The following PRKCB variants were observed in gnomAD, a reference collection of about 807,000 sequenced individuals.
PRKCB encodes the protein protein kinase C beta type.
In PRKCB, 13 loss-of-function variants were observed where a neutral mutation model predicts 81.5. That is an observed-to-expected ratio of 0.16 (90% confidence interval 0.10 to 0.25). The LOEUF is 0.25. PRKCB is among the 10% of genes least tolerant of loss of function. The pLI is 1.00. For synonymous variants in PRKCB, 335 were observed against 321.4 expected, an observed-to-expected ratio of 1.04 and a Z score of -0.45; for missense variants, 509 against 875.7, an observed-to-expected ratio of 0.58 and a Z score of 5.29.
At position 23,879,482 on chromosome 16, in the gene PRKCB, CTTTTTTTTTTTTTTTTTTTTTTTTTTT is replaced by C. The variant is rs546638229; in HGVS notation, c.205+42086_205+42112del. Among the ~76,000 whole-genome samples, 115 of 83,184 alleles carry C rather than the reference CTTTTTTTTTTTTTTTTTTTTTTTTTTT, an allele frequency of 1.4e-3. 1 individual carries two copies. The highest frequency in any genetic ancestry group is 5.7e-3 in the African/African-American group (102 of 18,010). 54.6% of individuals were successfully genotyped at this position (83,184 alleles called of 152,430 possible). ...CTTTGTTGTTGGTCCTTTAGCTATC[CTTTTTTTTTTTTTTTTTTTTTTTTTTT>C]TTTTTTTTTGAGACGGAGCCCCACT... On this transcript the variant is annotated intron_variant, in intron 2 of 16. Transcript: ENST00000643927.
intron 3 of PRKCB, among the ~76,000 whole-genome samples, chr16:23,991,515 T>G (rs1253495528): frequency 6.6e-6 from 1 of 152,176 alleles, no homozygotes; most frequent in Non-Finnish European, 1.5e-5. Flanking sequence ...AAGAAGATGG[T>G]GTTTCCCATA....
At chr16:24,098,196 A>G (rs1245601646) in intron 7 of PRKCB, 2 of 152,228 alleles carry the variant, frequency 1.3e-5, no homozygotes, top group Non-Finnish European at 1.5e-5. Flanking sequence ...TTAAAGCACA[A>G]TTCACAAATG....
At chr16:23,881,155 G>A (rs1057303457) in intron 2 of PRKCB, among the ~76,000 whole-genome samples, 3 of 151,934 alleles carry the variant, frequency 2.0e-5, no homozygotes, top group African/African-American at 4.8e-5. Flanking sequence ...GGGGGCCCAG[G>A]CCCATGAGTC....
chr16:24,073,346 C>A (rs901233778), intron 5 of PRKCB, among the ~76,000 whole-genome samples: 1 of 152,098 alleles, frequency 6.6e-6, no homozygotes. Context: ...TTATTTATTT[C>A]TTAGAAACAG....
Position 24,170,373 on chromosome 16 carries a change from A to C in PRKCB, c.1240-1897A>C, listed in dbSNP as rs972282858. ...AGAAAAAAGCCCACAGGCTTTCATGAAAGAGTATAACGGCAGACCTAATTT... is the reference window on the plus strand; with the variant it reads ...AGAAAAAAGCCCACAGGCTTTCATGCAAGAGTATAACGGCAGACCTAATTT... On this transcript the variant is annotated intron_variant, in intron 10 of 16. Transcript: ENST00000643927. Among the ~76,000 whole-genome samples the C allele has an allele frequency of 3.9e-5, 6 of 152,276 alleles. No individual in the cohort carries two copies. The East Asian group carries it at 1.2e-3, about 29-fold the overall frequency.
At chr16:23,881,960 C>A (rs1321800371) in intron 2 of PRKCB, among the ~76,000 whole-genome samples, 1 of 147,366 alleles carries the variant, frequency 6.8e-6, no homozygotes, top group Non-Finnish European at 1.5e-5. Flanking sequence ...TCCTTTTTTT[C>A]TTTTCCTTTC....
At chr16:24,167,699 A>G (rs547616157) in intron 10 of PRKCB, among the ~76,000 whole-genome samples, 1 of 152,300 alleles carries the variant, frequency 6.6e-6, no homozygotes, top group African/African-American at 2.4e-5. Context: ...ACACATCCAC[A>G]CATCCATACA....
At chr16:24,189,641 CAAA>C (rs10605364) in intron 15 of PRKCB, among the ~76,000 whole-genome samples, 1,720 of 83,318 alleles carry the variant, frequency 0.021, 20 homozygotes, top group African/African-American at 0.066. Flanking sequence ...GACTCCGTCT[CAAA>C]AAAAAAAAAA....
intron 2 of PRKCB, among the ~76,000 whole-genome samples, chr16:23,907,197 T>C (rs73538839): frequency 0.015 from 2,223 of 152,302 alleles, 55 homozygotes; most frequent in African/African-American, 0.05. Context: ...CAATCAAAAA[T>C]GTCTCCAAAC....
chr16:23,990,546 T>C (rs1403053439), intron 3 of PRKCB, among the ~76,000 whole-genome samples: 2 of 151,928 alleles, frequency 1.3e-5, no homozygotes, highest in Non-Finnish European at 2.9e-5. Context: ...TCTTTTATTT[T>C]TGTTTTTTTC....
At chr16:23,939,259 C>T (rs1357516928) in intron 2 of PRKCB, among the ~76,000 whole-genome samples, 2 of 152,124 alleles carry the variant, frequency 1.3e-5, no homozygotes, top group Non-Finnish European at 2.9e-5. Flanking sequence ...TGAAGACATA[C>T]TGTGTTCATG....
At chr16:24,160,026 C>T (rs1361933795) in intron 10 of PRKCB, among the ~76,000 whole-genome samples, 2 of 152,040 alleles carry the variant, frequency 1.3e-5, no homozygotes, top group East Asian at 3.9e-4. Context: ...AATATTTTCA[C>T]TCTTACGATC....
At chr16:24,034,166 T>C (rs1965583823) in intron 4 of PRKCB, among the ~76,000 whole-genome samples, 1 of 152,166 alleles carries the variant, frequency 6.6e-6, no homozygotes, top group African/African-American at 2.4e-5. Flanking sequence ...GGCCCTAATA[T>C]AGGGACAATG....
chr16:23,914,084 C>T (rs938033489), intron 2 of PRKCB, among the ~76,000 whole-genome samples: 1 of 152,136 alleles, frequency 6.6e-6, no homozygotes, highest in African/African-American at 2.4e-5. Context: ...CTCACTGCAG[C>T]CTCAAATTCC....
Position 23,970,338 on chromosome 16 carries a change from C to T in PRKCB, c.206-18170C>T, listed in dbSNP as rs138557950. On this transcript the variant is annotated intron_variant, in intron 2 of 16. Coordinates refer to ENST00000643927, the MANE Select transcript of PRKCB (RefSeq NM_002738.7). ...AAGATGATGCAGCCAGTGGAGTGGG[C>T]GGTTGTCCCAGAGCACCACCTGGGC... 7.9e-4 allele frequency among the ~76,000 whole-genome samples: 121 copies of T among 152,258 alleles called. 1 individual carries two copies. Among genetic ancestry groups the T allele is most frequent in the Non-Finnish European group, 1.4e-3 (98 of 68,016 alleles).
chr16:24,214,977 G>T lies in PRKCB; in HGVS notation c.*161G>T. ...AACCCAAATGTCCTCAGGTAGTTTG[G>T]AGCATCTCTATGAGATGGGATTATG... On this transcript the variant is annotated 3_prime_UTR_variant, in exon 17 of 17. Transcript: ENST00000643927. The T allele has an allele frequency of 6.9e-7, 1 of 1,453,898 alleles. No homozygotes were observed. The highest frequency in any genetic ancestry group is 2.4e-5 in the East Asian group (1 of 41,344). 90.1% of individuals were successfully genotyped at this position (1,453,898 alleles called of 1,614,324 possible). A position where few individuals can be genotyped will look rare whatever the true frequency, so the allele number is the denominator to read the frequency against.
intron 2 of PRKCB, among the ~76,000 whole-genome samples, chr16:23,859,598 A>G (rs1488144984): frequency 6.6e-6 from 1 of 152,194 alleles, no homozygotes; most frequent in Non-Finnish European, 1.5e-5. Context: ...GGGAGGCTGC[A>G]CAGAGGAGCC....
At chr16:24,119,698 G>A (rs1365316068) in intron 8 of PRKCB, among the ~76,000 whole-genome samples, 1 of 152,080 alleles carries the variant, frequency 6.6e-6, no homozygotes, top group Non-Finnish European at 1.5e-5. Flanking sequence ...AGGTGAGACG[G>A]CTTCTGTCCT....
chr16:24,158,110 G>T (rs115041390), intron 10 of PRKCB, among the ~76,000 whole-genome samples: 6 of 152,128 alleles, frequency 3.9e-5, no homozygotes, highest in Non-Finnish European at 8.8e-5. Flanking sequence ...AAAAGTGCTT[G>T]GAGAGACGCA....
Sources: gnomAD v4.1 joint callset for allele counts (sites outside exome capture counted in the v4.1 genomes callset) on GRCh38, gnomAD v4.1.1 for gene constraint, MANE v1.5 for transcripts, NCBI Gene and HGNC (gene_info 2026-07-23, HGNC 2026-07-21) for gene names.